VCAN: variants seen among roughly 807,000 people sequenced by gnomAD.
VCAN encodes the protein versican.
Under a neutral mutation model 245.5 loss-of-function variants are expected in VCAN, and 44 were observed. The observed-to-expected ratio is 0.18, with a 90% confidence interval of 0.14 to 0.23. The LOEUF (loss-of-function observed/expected upper bound fraction) is 0.23, where lower values mean the gene tolerates loss of function less well. Among genes scored for constraint, VCAN ranks in the 10% least tolerant of loss-of-function variants. VCAN has a pLI of 1.00. For missense variants in VCAN, 3,793 were observed against 4,057.9 expected, an observed-to-expected ratio of 0.93 and a Z score of 1.77; for synonymous variants, 1,413 against 1,437.0, an observed-to-expected ratio of 0.98 and a Z score of 0.38.
intron 5 of VCAN, among the ~76,000 whole-genome samples, chr5:83,505,527 C>T (rs752178971): frequency 6.6e-5 from 10 of 152,170 alleles, no homozygotes; most frequent in Non-Finnish European, 7.3e-5. Flanking sequence ...CTTATGGTCT[C>T]GGGCAGCTCA....
intron 3 of VCAN, 143 bp downstream of exon 3, chr5:83,490,615 A>T (rs1388450416): frequency 5.4e-6 from 7 of 1,286,746 alleles, no homozygotes; most frequent in Admixed American, 2.2e-5. Flanking sequence ...CACGTCTTTC[A>T]CCAAAAATGA....
chr5:83,509,002 G>C (rs1745562865), intron 5 of VCAN, among the ~76,000 whole-genome samples: 2 of 150,926 alleles, frequency 1.3e-5, no homozygotes, highest in African/African-American at 4.9e-5. Context: ...ACTCCTGCCT[G>C]GACAATTTAG....
At position 83,580,424 on chromosome 5, in the gene VCAN, C is replaced by T. The variant is rs532877615; in HGVS notation, c.10181C>T (p.Ser3394Leu). 1.9e-6 allele frequency: 3 copies of T among 1,613,692 alleles called. No homozygotes were observed. The highest frequency in any genetic ancestry group is 2.7e-5 in the African/African-American group (2 of 74,984). Residue 3394 changes from serine to leucine, a missense_variant, in exon 15 of 15, where the codon TCG becomes TTG. By Grantham distance (145) the Ser-to-Leu change is moderately radical (BLOSUM62 -2). Coordinates refer to ENST00000265077, the MANE Select transcript of VCAN (RefSeq NM_004385.5). The part of the protein sequence containing the change: ...DHRWSRRWQE[S>L]RR Reference sequence around the variant, plus strand: ...CGTTGGAGCCGGAGGTGGCAGGAGTCGAGGCGCTGATCCCTAAAATGGCGA... The same window carrying T: ...CGTTGGAGCCGGAGGTGGCAGGAGTTGAGGCGCTGATCCCTAAAATGGCGA...
rs1167673455 is a variant in VCAN, at chr5:83,538,734, C to T, written c.5731C>T (p.Arg1911Ter). ...QTSREIVISE[R>*]LGEPNYGAEI... ...ATCCAGGGAAATAGTGATTTCAGAG[C>T]GATTAGGAGAACCAAATTATGGGGC... The change falls in exon 8 of 15, where the codon CGA becomes TGA. Residue 1911 changes from arginine (R) to a stop codon, truncating the protein, a stop_gained. Coordinates refer to ENST00000265077, the MANE Select transcript of VCAN (RefSeq NM_004385.5). LOFTEE classifies it high-confidence loss of function. 6.2e-7 allele frequency: 1 copy of T among 1,613,942 alleles called. No individual in the cohort carries two copies.
chr5:83,531,618 G>A (rs1746525817), intron 7 of VCAN, among the ~76,000 whole-genome samples: 1 of 152,128 alleles, frequency 6.6e-6, no homozygotes, highest in African/African-American at 2.4e-5. Context: ...CTGCTGAGTA[G>A]ATTGGTGTAC....
intron 7 of VCAN, among the ~76,000 whole-genome samples, chr5:83,523,041 A>G (rs1436782214): frequency 3.3e-5 from 5 of 152,154 alleles, no homozygotes; most frequent in Non-Finnish European, 5.9e-5. Context: ...TGTTCATTTT[A>G]TGATTTAATT....
At chr5:83,545,515 C>T in intron 8 of VCAN, 22 bp from the exon 9 acceptor site, 1 of 1,605,228 alleles carries the variant, frequency 6.2e-7, no homozygotes, top group East Asian at 2.2e-5. Flanking sequence ...AACTGCTTTT[C>T]TTACTTTCCT....
intron 10 of VCAN, among the ~76,000 whole-genome samples, chr5:83,550,044 A>G (rs1413381350): frequency 1.3e-5 from 2 of 152,226 alleles, no homozygotes; most frequent in African/African-American, 4.8e-5. Flanking sequence ...CAATAATTAC[A>G]GATACAAAAT....
intron 11 of VCAN, among the ~76,000 whole-genome samples, chr5:83,554,248 C>T (rs922386641): frequency 2.0e-5 from 3 of 152,206 alleles, no homozygotes; most frequent in African/African-American, 7.2e-5. Context: ...AGTAATCCTC[C>T]CACCTCTGCT....
At position 83,570,256 on chromosome 5, in the gene VCAN, C is replaced by T. The variant is rs900710593; in HGVS notation, c.9736-2160C>T. Among the ~76,000 whole-genome samples, 3 of 151,838 alleles carry T rather than the reference C, an allele frequency of 2.0e-5. No homozygotes were observed. In the South Asian group the frequency reaches 6.3e-4, roughly 32 times the overall value. ...TTTTTCCCCCGAGAAATAAAACCAC[C>T]CTTCATGCTGTATTTTGACAAAAAA... On this transcript the variant is annotated intron_variant, in intron 12 of 14. Transcript: ENST00000265077.
intron 12 of VCAN, among the ~76,000 whole-genome samples, chr5:83,558,687 T>A (rs1747759951): frequency 6.6e-6 from 1 of 152,152 alleles, no homozygotes; most frequent in Non-Finnish European, 1.5e-5. Context: ...CTAATTCAAC[T>A]AGTATACTAA....
In VCAN at chr5:83,519,774, A is replaced by T; in HGVS notation, c.1468A>T (p.Ile490Phe). The T allele has an allele frequency of 1.2e-6, 2 of 1,614,188 alleles. No individual in the cohort carries two copies. The highest frequency in any genetic ancestry group is 1.7e-6 in the Non-Finnish European group (2 of 1,179,998). Residue 490 changes from isoleucine (I) to phenylalanine (F), a missense_variant, in exon 7 of 15, where the codon ATT becomes TTT. This residue lies in a region of VCAN where 3,182 missense variants were observed against 3,250.3 expected (regional missense o/e 0.98). Coordinates refer to ENST00000265077, the MANE Select transcript of VCAN (RefSeq NM_004385.5). ...ACAAACACAAGAATCGGTTACACAG[A>T]TTGAACAAATAGAAGTGGGTCCTTT... ...DKQTQESVTQ[I>F]EQIEVGPLVT... is the part of the protein sequence containing the mutation.
Position 83,521,510 on chromosome 5 carries a change from C to T in VCAN, c.3204C>T (p.Gly1068=), listed in dbSNP as rs142805131. Reference sequence around the variant, plus strand: ...TAACACCACTGGATGAACAAGAGGGCGATGGATCAGCATATACAGTCTCTG... The same window carrying T: ...TAACACCACTGGATGAACAAGAGGGTGATGGATCAGCATATACAGTCTCTG... ...EAVTPLDEQE[G]DGSAYTVSED... The change falls in exon 7 of 15, where the codon GGC becomes GGT. Residue 1068 remains glycine, a synonymous_variant. Transcript: ENST00000265077. The T allele has an allele frequency of 3.3e-5, 54 of 1,613,824 alleles. No homozygotes were observed. Among genetic ancestry groups the T allele is most frequent in the South Asian group, 8.8e-5 (8 of 91,078 alleles).
At chr5:83,555,132 G>A (rs1307510964) in intron 12 of VCAN, 94 bp downstream of exon 12, 4 of 1,333,330 alleles carry the variant, frequency 3.0e-6, no homozygotes, top group Non-Finnish European at 4.3e-6. Context: ...TTAGACTGGA[G>A]GCAAGTTAAA....
chr5:83,474,434 G>A (rs1744308017), intron 1 of VCAN, among the ~76,000 whole-genome samples: 1 of 152,196 alleles, frequency 6.6e-6, no homozygotes, highest in African/African-American at 2.4e-5. Flanking sequence ...GCAGAGGCGT[G>A]CCGGGATGGA....
intron 6 of VCAN, among the ~76,000 whole-genome samples, chr5:83,518,380 C>A (rs1455004866): frequency 6.6e-6 from 1 of 152,132 alleles, no homozygotes; most frequent in Non-Finnish European, 1.5e-5. Context: ...AAATCTGGAG[C>A]CATTATAATG....
At chr5:83,485,960 G>A (rs1293303076) in intron 2 of VCAN, among the ~76,000 whole-genome samples, 1 of 152,026 alleles carries the variant, frequency 6.6e-6, no homozygotes, top group African/African-American at 2.4e-5. Context: ...AATTAGCCGG[G>A]GGTGGTGGCT....
intron 5 of VCAN, among the ~76,000 whole-genome samples, chr5:83,507,059 A>G (rs1285576895): frequency 2.0e-5 from 3 of 152,230 alleles, no homozygotes; most frequent in Non-Finnish European, 4.4e-5. Flanking sequence ...CAGCCAAATC[A>G]TATCACTTGA....
At chr5:83,507,464 C>A (rs771028429) in intron 5 of VCAN, among the ~76,000 whole-genome samples, 4 of 152,194 alleles carry the variant, frequency 2.6e-5, no homozygotes, top group Non-Finnish European at 4.4e-5. Context: ...TTATTCACAT[C>A]AGAGATAAAA....
Sources: gnomAD v4.1 joint callset for allele counts (sites outside exome capture counted in the v4.1 genomes callset) on GRCh38, gnomAD v4.1.1 for gene constraint, gnomAD v4.1.1 regional missense constraint, MANE v1.5 for transcripts, NCBI Gene and HGNC (gene_info 2026-07-23, HGNC 2026-07-21) for gene names.